The following EEPD1 variants were observed in gnomAD, a reference collection of about 807,000 sequenced individuals.
The protein encoded by EEPD1 is endonuclease/exonuclease/phosphatase family domain-containing protein 1.
In EEPD1, 17 loss-of-function variants were observed where a neutral mutation model predicts 46.3. That is an observed-to-expected ratio of 0.37 (90% CI 0.25 to 0.55). The LOEUF is 0.55. Among genes scored for constraint, EEPD1 ranks in the 20% least tolerant of loss-of-function variants. The pLI, the probability that EEPD1 is intolerant of heterozygous loss-of-function variation, is 0.83. For synonymous variants in EEPD1, 313 were observed against 315.6 expected, an observed-to-expected ratio of 0.99 and a Z score of 0.09; for missense variants, 673 against 745.6, an observed-to-expected ratio of 0.90 and a Z score of 1.13.
At chr7:36,242,958 G>T (rs1217892885) in intron 3 of EEPD1, among the ~76,000 whole-genome samples, 1 of 152,092 alleles carries the variant, frequency 6.6e-6, no homozygotes, top group Non-Finnish European at 1.5e-5. Flanking sequence ...CAGTTGATAT[G>T]CTGGAATAAG....
Position 36,153,370 on chromosome 7 carries a change from A to G in EEPD1, c.-497A>G, listed in dbSNP as rs1389201766. Reference sequence around the variant, plus strand: ...CAGGACTTTTTGCCGGGGTAAACGCAACTGCGGCGGCGCCGCCGCAAGCCC... The same window carrying G: ...CAGGACTTTTTGCCGGGGTAAACGCGACTGCGGCGGCGCCGCCGCAAGCCC... On this transcript the variant is annotated 5_prime_UTR_variant, in exon 1 of 8. Coordinates refer to ENST00000242108, the MANE Select transcript of EEPD1 (RefSeq NM_030636.3). 1 of 151,996 alleles carries G rather than the reference A, an allele frequency of 6.6e-6. No individual in the cohort carries two copies. The highest frequency in any genetic ancestry group is 1.5e-5 in the Non-Finnish European group (1 of 67,984). 9.4% of individuals were successfully genotyped at this position (151,996 alleles called of 1,614,324 possible). A position where few individuals can be genotyped will look rare whatever the true frequency, so the allele number is the denominator to read the frequency against.
rs763273567 is a variant in EEPD1 at position 36,154,574 on chromosome 7, A to G, written c.250A>G (p.Ser84Gly). ...FKKVEDLALV[S>G]GVGATKLEQV... ...GAAGGTGGAGGACCTGGCATTGGTC[A>G]GTGGTGTAGGCGCCACCAAGCTGGA... is the stretch of plus-strand genomic sequence containing the variant. Residue 84 changes from serine to glycine, a missense_variant, in exon 2 of 8, where the codon AGT becomes GGT. By Grantham distance (56) the Ser-to-Gly change is moderately conservative (BLOSUM62 0). Transcript: ENST00000242108. This position sits in a 1 kb window ranked among gnomAD's most constrained non-coding sequence, Gnocchi z 4.2. 14 of 1,613,994 alleles carry G rather than the reference A, an allele frequency of 8.7e-6. No homozygotes were observed. In the South Asian group the frequency reaches 1.2e-4, roughly 14 times the overall value.
intron 2 of EEPD1, among the ~76,000 whole-genome samples, chr7:36,204,682 G>C (rs929645393): frequency 1.3e-5 from 2 of 152,186 alleles, no homozygotes; most frequent in Non-Finnish European, 2.9e-5. Context: ...AGACAGACCG[G>C]GCTCACCTGG....
chr7:36,244,668 G>C (rs1354304948), intron 3 of EEPD1, among the ~76,000 whole-genome samples: 1 of 152,088 alleles, frequency 6.6e-6, no homozygotes, highest in Non-Finnish European at 1.5e-5. Context: ...TCTGGCAGAG[G>C]ATCTTCCCTG....
At chr7:36,291,624 A>AG (rs1230373642) in intron 6 of EEPD1, among the ~76,000 whole-genome samples, 4 of 152,158 alleles carry the variant, frequency 2.6e-5, no homozygotes, top group African/African-American at 9.7e-5. Flanking sequence ...CTCCTCCTAG[A>AG]GGAGGGCGCC....
At chr7:36,196,299 T>C (rs76218737) in intron 2 of EEPD1, among the ~76,000 whole-genome samples, 1 of 140,128 alleles carries the variant, frequency 7.1e-6, no homozygotes, top group South Asian at 2.1e-4. Context: ...CTACACTAAA[T>C]TTTTTTTTTT....
At chr7:36,211,509 G>A (rs1348260381) in intron 2 of EEPD1, among the ~76,000 whole-genome samples, 1 of 152,170 alleles carries the variant, frequency 6.6e-6, no homozygotes, top group East Asian at 1.9e-4. Context: ...CAAATTCTAA[G>A]AAAAACTAAG....
intron 3 of EEPD1, among the ~76,000 whole-genome samples, chr7:36,258,886 A>G (rs1786868529): frequency 1.4e-5 from 1 of 70,098 alleles, no homozygotes; most frequent in Admixed American, 1.6e-4. Flanking sequence ...CTGGGGTATG[A>G]AAAAAAAAAA....
chr7:36,162,978 A>G (rs940415119), intron 2 of EEPD1, among the ~76,000 whole-genome samples: 5 of 152,194 alleles, frequency 3.3e-5, no homozygotes, highest in Non-Finnish European at 7.4e-5. Flanking sequence ...TGTCTTTTTC[A>G]GCTTATGCTA....
intron 2 of EEPD1, among the ~76,000 whole-genome samples, chr7:36,173,003 A>G (rs1423406498): frequency 1.3e-5 from 2 of 152,108 alleles, no homozygotes; most frequent in African/African-American, 4.8e-5. Context: ...GAATTGGAGG[A>G]CACCCAGCTA....
chr7:36,155,740 T>C (rs1464478254), intron 2 of EEPD1, among the ~76,000 whole-genome samples: 1 of 152,034 alleles, frequency 6.6e-6, no homozygotes, highest in Admixed American at 6.5e-5. Context: ...TAACCTGGAG[T>C]TGGTTTTCAG....
At chr7:36,243,749 G>T (rs998865007) in intron 3 of EEPD1, among the ~76,000 whole-genome samples, 2 of 152,062 alleles carry the variant, frequency 1.3e-5, no homozygotes, top group East Asian at 3.9e-4. Context: ...CCTTTGTAGG[G>T]ACATGGATGA....
chr7:36,247,369 C>T (rs943243512), intron 3 of EEPD1, among the ~76,000 whole-genome samples: 2 of 152,180 alleles, frequency 1.3e-5, no homozygotes, highest in African/African-American at 4.8e-5. Context: ...AACACTACCT[C>T]TCTTATTACG....
intron 2 of EEPD1, among the ~76,000 whole-genome samples, chr7:36,204,384 C>T (rs538916035): frequency 1.4e-4 from 21 of 152,096 alleles, no homozygotes; most frequent in Admixed American, 9.2e-4. Flanking sequence ...TGGATGAAGG[C>T]ATAATAATTT....
intron 2 of EEPD1, chr7:36,230,890 G>A (rs1296867774): frequency 6.6e-6 from 1 of 152,180 alleles, no homozygotes; most frequent in East Asian, 1.9e-4. Flanking sequence ...TTCATTGTCT[G>A]TTACATATTG....
In EEPD1 at chr7:36,295,523, C is replaced by G. The variant is rs746378038; in HGVS notation, c.1316-1470C>G. The stretch of plus-strand genomic sequence containing the variant: ...AGATAACATGTGTAGATACTCTAGC[C>G]TAAAGGAGGGGGAGCACAACTTCAT... On this transcript the variant is annotated intron_variant, in intron 6 of 7. Transcript: ENST00000242108. 2.8e-4 allele frequency among the ~76,000 whole-genome samples: 43 copies of G among 151,796 alleles called. 1 individual carries two copies. The highest frequency in any genetic ancestry group is 3.9e-4 in the Admixed American group (6 of 15,260).
chr7:36,180,341 GA>G (rs772088455), intron 2 of EEPD1, among the ~76,000 whole-genome samples: 1 of 152,158 alleles, frequency 6.6e-6, no homozygotes, highest in Non-Finnish European at 1.5e-5. Flanking sequence ...AGGCAGAGGG[GA>G]TGAGGCAACA....
chr7:36,292,745 G>A (rs1787468481), intron 6 of EEPD1, among the ~76,000 whole-genome samples: 1 of 152,074 alleles, frequency 6.6e-6, no homozygotes, highest in Non-Finnish European at 1.5e-5. Context: ...TGACCTCAGT[G>A]GATCCCCTGC....
At position 36,298,424 on chromosome 7, in the gene EEPD1, C is replaced by G. The variant is rs141541109; in HGVS notation, c.1511-583C>G. ...CCCATGTCAATCCTGCACTAAGGAC[C>G]ACACAGTGCTTTCTAGCTATTCTGT... On this transcript the variant is annotated intron_variant, in intron 7 of 7. Coordinates refer to ENST00000242108, the MANE Select transcript of EEPD1 (RefSeq NM_030636.3). 3.0e-3 allele frequency among the ~76,000 whole-genome samples: 458 copies of G among 152,302 alleles called. 3 individuals carry two copies. Among genetic ancestry groups the G allele is most frequent in the African/African-American group, 0.01 (425 of 41,558 alleles).
Sources: allele counts gnomAD v4.1 joint callset (sites outside exome capture counted in the v4.1 genomes callset), GRCh38; gene constraint gnomAD v4.1.1; non-coding constraint Gnocchi (gnomAD v3.1); transcripts MANE v1.5; gene names NCBI Gene and HGNC (gene_info 2026-07-23, HGNC 2026-07-21).